The following ADAMTS3 variants were observed in gnomAD, a reference collection of about 807,000 sequenced individuals.
ADAMTS3 encodes the protein A disintegrin and metalloproteinase with thrombospondin motifs 3.
ADAMTS3 carries 73 observed loss-of-function variants against 129.0 expected under a neutral mutation model. That is an observed-to-expected ratio of 0.57 (90% CI 0.47 to 0.69). The LOEUF is 0.69. Ranked by LOEUF, ADAMTS3 falls within the 30% of genes least tolerant of loss-of-function variation. The pLI, the probability that ADAMTS3 is intolerant of heterozygous loss-of-function variation, is 0.00. For synonymous variants in ADAMTS3, 477 were observed against 510.8 expected (o/e 0.93, Z 0.89); for missense variants, 1,457 against 1,514.5 (o/e 0.96, Z 0.63).
intron 2 of ADAMTS3, among the ~76,000 whole-genome samples, chr4:72,551,706 A>G (rs1187884288): frequency 6.6e-6 from 1 of 152,152 alleles, no homozygotes; most frequent in African/African-American, 2.4e-5. Context: ...GGTAAATCCT[A>G]TTACCCCTAT....
intron 21 of ADAMTS3, among the ~76,000 whole-genome samples, chr4:72,285,303 A>T (rs761026273): frequency 6.6e-6 from 1 of 152,200 alleles, no homozygotes; most frequent in Non-Finnish European, 1.5e-5. Flanking sequence ...CATATAAGCT[A>T]GGTCATCATC....
intron 4 of ADAMTS3, among the ~76,000 whole-genome samples, chr4:72,403,226 T>G (rs1721969442): frequency 6.6e-6 from 1 of 152,088 alleles, no homozygotes; most frequent in South Asian, 2.1e-4. Context: ...CTTCTGTCAC[T>G]TTTCTATCTC....
rs1720621516 is a variant in ADAMTS3, at chr4:72,357,860, CT to C, written c.662-18168del. Among the ~76,000 whole-genome samples the C allele has an allele frequency of 2.0e-5, 3 of 152,032 alleles. No homozygotes were observed. The South Asian group carries it at 6.2e-4, about 31-fold the overall frequency. On this transcript the variant is annotated intron_variant, in intron 4 of 21. Transcript: ENST00000286657. ...AAAAAGATTTAAATATAAATCTATT[CT>C]ATCATATGCCAATGGCTTTGTTTGA...
intron 4 of ADAMTS3, among the ~76,000 whole-genome samples, chr4:72,383,885 G>C (rs1721365777): frequency 6.6e-6 from 1 of 151,820 alleles, no homozygotes; most frequent in African/African-American, 2.4e-5. Context: ...GTTAGAATTA[G>C]GATGCAAAAT....
chr4:72,283,070 T>C lies in ADAMTS3; in HGVS notation c.*66A>G, dbSNP rs149697637. 46 of 1,347,128 alleles carry C rather than the reference T, an allele frequency of 3.4e-5. No individual in the cohort carries two copies. In the African/African-American group the frequency reaches 4.2e-4, roughly 12 times the overall value. The allele number at this position is 1,347,128 out of a possible 1,614,324, so 83.4% of individuals were successfully genotyped here. On this transcript the variant is annotated 3_prime_UTR_variant, in exon 22 of 22. Coordinates refer to ENST00000286657, the MANE Select transcript of ADAMTS3 (RefSeq NM_014243.3). ...GAGATTTCCACTTTAAACAAGCATA[T>C]GCACCATGGGAAGAGAGAGGTTGTC...
At chr4:72,470,361 T>TTATATATATATA (rs143241307) in intron 3 of ADAMTS3, among the ~76,000 whole-genome samples, 3,709 of 116,138 alleles carry the variant, frequency 0.032, 60 homozygotes, top group Middle Eastern at 0.056. Context: ...TATTTTAAGT[T>TTATATATATATA]TATATATATA....
intron 5 of ADAMTS3, among the ~76,000 whole-genome samples, chr4:72,334,258 T>C (rs1719928492): frequency 6.6e-6 from 1 of 152,190 alleles, no homozygotes; most frequent in Admixed American, 6.5e-5. Flanking sequence ...ATGTAATTAT[T>C]TGATTTCTCC....
At chr4:72,528,817 A>G (rs754965488) in intron 3 of ADAMTS3, among the ~76,000 whole-genome samples, 8 of 152,114 alleles carry the variant, frequency 5.3e-5, no homozygotes, top group Non-Finnish European at 1.2e-4. Flanking sequence ...ATCCATACCA[A>G]TCAGTCTGTC....
intron 4 of ADAMTS3, among the ~76,000 whole-genome samples, chr4:72,400,186 G>A (rs1289244438): frequency 2.2e-5 from 3 of 133,702 alleles, no homozygotes; most frequent in Admixed American, 7.2e-5. Flanking sequence ...CACATGGTAT[G>A]TATATGTGTG....
At chr4:72,499,198 C>T (rs1719945293) in intron 3 of ADAMTS3, among the ~76,000 whole-genome samples, 1 of 152,148 alleles carries the variant, frequency 6.6e-6, no homozygotes, top group African/African-American at 2.4e-5. Context: ...GTTTTGTCTA[C>T]AGTCTGTGAA....
At chr4:72,369,251 A>G (rs901752780) in intron 4 of ADAMTS3, among the ~76,000 whole-genome samples, 10 of 152,194 alleles carry the variant, frequency 6.6e-5, no homozygotes, top group African/African-American at 9.6e-5. Flanking sequence ...TAAACCCCTT[A>G]CCCAAGAACA....
intron 4 of ADAMTS3, among the ~76,000 whole-genome samples, chr4:72,361,021 T>C (rs541076911): frequency 1.5e-4 from 23 of 152,236 alleles, no homozygotes; most frequent in African/African-American, 5.5e-4. Context: ...TTCGGGGTTA[T>C]CGGAATGAGC....
chr4:72,295,734 G>A lies in ADAMTS3; in HGVS notation c.2643C>T (p.Val881=). The change falls in exon 19 of 22, where the codon GTC becomes GTT. Residue 881 remains valine, a synonymous_variant. Transcript: ENST00000286657. ...GCRRKSDNKM[V]HRSFCEANKK... Reference sequence around the variant, plus strand: ...TGTTGGCCTCACAGAAGCTGCGATGGACCATTTTATTATCACTTTTCCTAC... The same window carrying A: ...TGTTGGCCTCACAGAAGCTGCGATGAACCATTTTATTATCACTTTTCCTAC... 6.2e-7 allele frequency: 1 copy of A among 1,612,918 alleles called. No individual in the cohort carries two copies. Among genetic ancestry groups the A allele is most frequent in the Non-Finnish European group, 8.5e-7 (1 of 1,179,170 alleles).
At chr4:72,418,018 C>T (rs1262623944) in intron 3 of ADAMTS3, among the ~76,000 whole-genome samples, 2 of 151,268 alleles carry the variant, frequency 1.3e-5, no homozygotes, top group East Asian at 3.9e-4. Flanking sequence ...TTCATTTGTC[C>T]TCATTTGATT....
chr4:72,564,291 G>A (rs11945509), intron 2 of ADAMTS3, among the ~76,000 whole-genome samples: 146,085 of 152,204 alleles, frequency 0.96, 70,400 homozygotes, highest in East Asian at 1. Context: ...AGATTTTCCA[G>A]TGTCTACAGA....
chr4:72,516,273 T>C (rs1720475486), intron 3 of ADAMTS3, among the ~76,000 whole-genome samples: 1 of 152,224 alleles, frequency 6.6e-6, no homozygotes, highest in Admixed American at 6.5e-5. Flanking sequence ...GGTAGCGTGA[T>C]GCCTCCAGCT....
intron 3 of ADAMTS3, among the ~76,000 whole-genome samples, chr4:72,501,913 T>G (rs1720036171): frequency 6.6e-6 from 1 of 150,632 alleles, no homozygotes; most frequent in Non-Finnish European, 1.5e-5. Flanking sequence ...GTGAATCACC[T>G]TTTTTGATTT....
chr4:72,406,092 C>T (rs1481975818), intron 4 of ADAMTS3, among the ~76,000 whole-genome samples: 1 of 152,104 alleles, frequency 6.6e-6, no homozygotes, highest in African/African-American at 2.4e-5. Context: ...GCTGCTGAAT[C>T]AGTGTCAATG....
intron 3 of ADAMTS3, among the ~76,000 whole-genome samples, chr4:72,450,870 C>A (rs766729206): frequency 6.6e-6 from 1 of 150,544 alleles, no homozygotes; most frequent in African/African-American, 2.4e-5. Flanking sequence ...TCACTACCCC[C>A]AAAACAGGAA....
Sources: gnomAD v4.1 joint callset for allele counts (sites outside exome capture counted in the v4.1 genomes callset) on GRCh38, gnomAD v4.1.1 for gene constraint, MANE v1.5 for transcripts, NCBI Gene and HGNC (gene_info 2026-07-23, HGNC 2026-07-21) for gene names.